GABBR2: variants seen among roughly 807,000 people sequenced by gnomAD.
The protein encoded by GABBR2 is gamma-aminobutyric acid type B receptor subunit 2, also known as G-protein coupled receptor 51.
In GABBR2, 23 loss-of-function variants were observed where a neutral mutation model predicts 105.6. That is an observed-to-expected ratio of 0.22 (90% confidence interval 0.16 to 0.31). GABBR2 has a LOEUF of 0.31. Among genes scored for constraint, GABBR2 ranks in the 10% least tolerant of loss-of-function variants. The pLI, the probability that GABBR2 is intolerant of heterozygous loss-of-function variation, is 1.00. For synonymous variants in GABBR2, 478 were observed against 499.7 expected, an observed-to-expected ratio of 0.96 and a Z score of 0.58; for missense variants, 734 against 1,245.5, an observed-to-expected ratio of 0.59 and a Z score of 6.18.
chr9:98,516,176 A>G (rs918978619), intron 3 of GABBR2: 1 of 152,440 alleles, frequency 6.6e-6, no homozygotes, highest in Non-Finnish European at 1.5e-5. Flanking sequence ...AGCATGGCAG[A>G]ACTGGACATA....
rs1830942640 is a variant in GABBR2 at position 98,708,882 on chromosome 9, G to C, written c.-145C>G. On this transcript the variant is annotated 5_prime_UTR_variant, in exon 1 of 19. Transcript: ENST00000259455. ...CCGTCTCGGGCTAGGGTTCCGGCTC[G>C]GCTCAGAACGGCCGCGGCGGCGGCG... 2 of 327,464 alleles carry C rather than the reference G, an allele frequency of 6.1e-6. No individual in the cohort carries two copies. Among genetic ancestry groups the C allele is most frequent in the Non-Finnish European group, 8.3e-6 (2 of 239,614 alleles). The allele number at this position is 327,464 out of a possible 1,614,324, so 20.3% of individuals were successfully genotyped here.
intron 7 of GABBR2, among the ~76,000 whole-genome samples, chr9:98,410,057 G>A (rs1341197946): frequency 6.6e-6 from 1 of 152,028 alleles, no homozygotes; most frequent in Non-Finnish European, 1.5e-5. Flanking sequence ...AGCCACCGTG[G>A]CCTGCAGTTC....
In GABBR2 at chr9:98,366,083, CT is replaced by C. The variant is rs754705830; in HGVS notation, c.1771-3247del. Among the ~76,000 whole-genome samples, 5 of 152,334 alleles carry C rather than the reference CT, an allele frequency of 3.3e-5. No individual in the cohort carries two copies. In the East Asian group the frequency reaches 5.8e-4, roughly 18 times the overall value. On this transcript the variant is annotated intron_variant, in intron 12 of 18. Coordinates refer to ENST00000259455, the MANE Select transcript of GABBR2 (RefSeq NM_005458.8). ...GAATCAGATCTAAGTTTGAAATGAA[CT>C]AACTAGTTGTGTGATCTTGGGTAAT...
At chr9:98,654,863 G>A (rs1232248925) in intron 1 of GABBR2, among the ~76,000 whole-genome samples, 3 of 152,172 alleles carry the variant, frequency 2.0e-5, no homozygotes, top group Non-Finnish European at 2.9e-5. Context: ...CCTTCAGTAG[G>A]TGAATGGATA....
rs570598463 is a variant in GABBR2 at position 98,454,284 on chromosome 9, G to A, written c.1000-67C>T. 36 of 1,035,486 alleles carry A rather than the reference G, an allele frequency of 3.5e-5. No homozygotes were observed. The highest frequency in any genetic ancestry group is 5.0e-5 in the Non-Finnish European group (33 of 655,284). The allele number at this position is 1,035,486 out of a possible 1,614,324, so 64.1% of individuals were successfully genotyped here. ...GCAGGGACATCAGGTGCCTGATGCC[G>A]AGAAGAGCTGCTATTCTTCAATGCC... On this transcript the variant is annotated intron_variant, in intron 6 of 18. Coordinates refer to ENST00000259455, the MANE Select transcript of GABBR2 (RefSeq NM_005458.8). The surrounding 1 kb of genome is among the most constrained non-coding windows in gnomAD (Gnocchi z 4.6).
intron 1 of GABBR2, among the ~76,000 whole-genome samples, chr9:98,617,887 C>G (rs1829610929): frequency 6.6e-6 from 1 of 152,200 alleles, no homozygotes; most frequent in Non-Finnish European, 1.5e-5. Context: ...GATGCCCCCA[C>G]TACCTGCAGT....
chr9:98,438,095 TCC>T (rs1825960465), intron 7 of GABBR2, among the ~76,000 whole-genome samples: 2 of 149,904 alleles, frequency 1.3e-5, no homozygotes, highest in Non-Finnish European at 3.0e-5. Flanking sequence ...TATCCATCCA[TCC>T]ATCCATCCAT....
intron 12 of GABBR2, among the ~76,000 whole-genome samples, chr9:98,365,607 G>A (rs375531615): frequency 6.6e-6 from 1 of 152,210 alleles, no homozygotes; most frequent in African/African-American, 2.4e-5. Context: ...ATTAATTGTA[G>A]AAATATTTAT....
rs760154333 is a variant in GABBR2, at chr9:98,290,696, G to T, written c.2714C>A (p.Pro905Gln). The T allele has an allele frequency of 6.7e-7, 1 of 1,484,916 alleles. No homozygotes were observed. Among genetic ancestry groups the T allele is most frequent in the Non-Finnish European group, 8.9e-7 (1 of 1,128,762 alleles). 92.0% of individuals were successfully genotyped at this position (1,484,916 alleles called of 1,614,324 possible). Residue 905 changes from proline to glutamine, a missense_variant, in exon 19 of 19, where the codon CCA becomes CAA. Coordinates refer to ENST00000259455, the MANE Select transcript of GABBR2 (RefSeq NM_005458.8). ...QLPILHHAYL[P>Q]SIGGVDASCV... ...GCTGGCGTCCACGCCTCCGATGGAT[G>T]GGAGGTAGGCGTGGTGGAGGATGGG...
chr9:98,663,797 A>G (rs775845175), intron 1 of GABBR2, among the ~76,000 whole-genome samples: 16 of 152,264 alleles, frequency 1.1e-4, no homozygotes, highest in East Asian at 1.9e-4. Flanking sequence ...ACAAATATAT[A>G]TAATAATGAC....
intron 7 of GABBR2, among the ~76,000 whole-genome samples, chr9:98,416,640 C>T (rs572012175): frequency 3.5e-4 from 53 of 152,360 alleles, no homozygotes; most frequent in Admixed American, 8.5e-4. Flanking sequence ...CATCAGACAT[C>T]GGGCAGACAT....
intron 3 of GABBR2, among the ~76,000 whole-genome samples, chr9:98,538,383 T>C (rs868117337): frequency 6.6e-6 from 1 of 152,208 alleles, no homozygotes; most frequent in African/African-American, 2.4e-5. Flanking sequence ...ATTCTCTCCA[T>C]GGAACCCTGG....
At chr9:98,537,093 G>T (rs1828196064) in intron 3 of GABBR2, among the ~76,000 whole-genome samples, 1 of 152,224 alleles carries the variant, frequency 6.6e-6, no homozygotes, top group African/African-American at 2.4e-5. Flanking sequence ...CACCTGGAGA[G>T]CTTGGACAGG....
At chr9:98,695,224 A>G (rs1448776296) in intron 1 of GABBR2, among the ~76,000 whole-genome samples, 1 of 152,154 alleles carries the variant, frequency 6.6e-6, no homozygotes, top group East Asian at 1.9e-4. Context: ...TTCACTCACA[A>G]ATATTCTGGA....
rs3750348 is a variant in GABBR2 at position 98,473,041 on chromosome 9, T to C, written c.999+105A>G. The C allele has an allele frequency of 0.054, 45,238 of 840,854 alleles. 1,558 individuals are homozygous for C. Among genetic ancestry groups the C allele is most frequent in the East Asian group, 0.12 (4,497 of 38,120 alleles). 52.1% of individuals were successfully genotyped at this position (840,854 alleles called of 1,614,324 possible). On this transcript the variant is annotated intron_variant, in intron 6 of 18. Transcript: ENST00000259455. ...GGCTCAGAGAGGTCAAGTGATTTGC[T>C]CAAAGTGACACAGGACAATAAATGT...
At chr9:98,653,006 T>C (rs1395847866) in intron 1 of GABBR2, among the ~76,000 whole-genome samples, 3 of 152,202 alleles carry the variant, frequency 2.0e-5, no homozygotes, top group African/African-American at 7.2e-5. Flanking sequence ...TTTTAACTAA[T>C]CATTTTTAGA....
chr9:98,419,431 C>T (rs1564060949), intron 7 of GABBR2, among the ~76,000 whole-genome samples: 1 of 152,188 alleles, frequency 6.6e-6, no homozygotes, highest in Admixed American at 6.5e-5. Context: ...CCATGTGTTT[C>T]TGGGTAGGAA....
At chr9:98,526,421 G>A (rs1190444273) in intron 3 of GABBR2, among the ~76,000 whole-genome samples, 1 of 151,940 alleles carries the variant, frequency 6.6e-6, no homozygotes, top group Admixed American at 6.6e-5. Context: ...CTTCTCTCAG[G>A]TCTCCTTATA....
At chr9:98,635,958 C>A (rs1328337297) in intron 1 of GABBR2, among the ~76,000 whole-genome samples, 1 of 152,124 alleles carries the variant, frequency 6.6e-6, no homozygotes, top group East Asian at 1.9e-4. Flanking sequence ...TTGCATACCC[C>A]ACCATGCACC....
Sources: gnomAD v4.1 joint callset for allele counts (sites outside exome capture counted in the v4.1 genomes callset) on GRCh38, gnomAD v4.1.1 for gene constraint, Gnocchi (gnomAD v3.1) non-coding constraint, MANE v1.5 for transcripts, NCBI Gene and HGNC (gene_info 2026-07-23, HGNC 2026-07-21) for gene names.